CALD1: variants seen among roughly 807,000 people sequenced by gnomAD.
The protein encoded by CALD1 is caldesmon 1.
In CALD1, 33 loss-of-function variants were observed where a neutral mutation model predicts 99.9. The observed-to-expected ratio is 0.33, with a 90% CI of 0.25 to 0.44. The LOEUF (loss-of-function observed/expected upper bound fraction) is 0.44. Among genes scored for constraint, CALD1 ranks in the 20% least tolerant of loss-of-function variants. The probability of loss-of-function intolerance (pLI) is 1.00; values close to 1 mark genes in which losing one functional copy is unlikely to be tolerated. For synonymous variants in CALD1, 310 were observed against 325.0 expected, an observed-to-expected ratio of 0.95 and a Z score of 0.50; for missense variants, 861 against 962.1, an observed-to-expected ratio of 0.89 and a Z score of 1.39.
intron 1 of CALD1, among the ~76,000 whole-genome samples, chr7:134,836,411 A>T (rs1361849345): frequency 6.6e-6 from 1 of 152,204 alleles, no homozygotes; most frequent in East Asian, 1.9e-4. Context: ...GTAACTTAAC[A>T]TCATGCCTTA....
intron 3 of CALD1, among the ~76,000 whole-genome samples, chr7:134,897,309 ATT>A (rs5887713): frequency 6.7e-6 from 1 of 148,594 alleles, no homozygotes; most frequent in Non-Finnish European, 1.5e-5. Flanking sequence ...CTCAGTTTTC[ATT>A]TTTTTTTTCC....
chr7:134,936,483 A>G (rs901367075), intron 6 of CALD1, among the ~76,000 whole-genome samples: 2 of 152,226 alleles, frequency 1.3e-5, no homozygotes, highest in Admixed American at 6.5e-5. Flanking sequence ...ACTATATCGA[A>G]TAAGTTCACA....
upstream of CALD1, among the ~76,000 whole-genome samples, chr7:134,776,112 C>G (rs1403921879): frequency 2.6e-5 from 4 of 152,014 alleles, no homozygotes; most frequent in African/African-American, 9.7e-5. Context: ...CTTTCTAATC[C>G]CAGTGGCTAT....
At chr7:134,941,667 T>C (rs1806451921) in intron 7 of CALD1, among the ~76,000 whole-genome samples, 2 of 152,220 alleles carry the variant, frequency 1.3e-5, no homozygotes, top group African/African-American at 4.8e-5. Context: ...AAATAAATAT[T>C]GCATAAGACT....
rs1035398218 is a variant in CALD1 at position 134,932,992 on chromosome 7, C to A, written c.223C>A (p.Pro75Thr). The change falls in exon 5 of 15, where the codon CCT becomes ACT. Residue 75 changes from proline (P) to threonine (T), a missense_variant. Transcript: ENST00000361675. ...GTTGTTCTTTCTGTTGTACAGTGTG[C>A]CTGACGAGGAGGCCAAGACAACCAC... ...QVEVNAQNSVPDEEAKTTTTN... is the reference protein window; with the variant it reads ...QVEVNAQNSVTDEEAKTTTTN... 7 of 1,600,946 alleles carry A rather than the reference C, an allele frequency of 4.4e-6. No homozygotes were observed. Among genetic ancestry groups the A allele is most frequent in the African/African-American group, 1.3e-5 (1 of 74,186 alleles).
At chr7:134,764,649 C>T (rs2071254808) in intron 1 of CALD1, among the ~76,000 whole-genome samples, 1 of 152,058 alleles carries the variant, frequency 6.6e-6, no homozygotes, top group South Asian at 2.1e-4. Flanking sequence ...GAATTCAAGT[C>T]AGTAAATGAT....
chr7:134,780,494 T>C (rs1797063729), intron 1 of CALD1, among the ~76,000 whole-genome samples: 1 of 152,198 alleles, frequency 6.6e-6, no homozygotes. Flanking sequence ...TCTTTTTTTC[T>C]GTTTGAAAGT....
At chr7:134,881,297 C>G (rs1801589675) in intron 3 of CALD1, among the ~76,000 whole-genome samples, 1 of 152,178 alleles carries the variant, frequency 6.6e-6, no homozygotes, top group Non-Finnish European at 1.5e-5. Flanking sequence ...TTCTCCAACT[C>G]TGGCACTTTT....
intron 1 of CALD1, among the ~76,000 whole-genome samples, chr7:134,797,101 G>A (rs904990617): frequency 6.6e-6 from 1 of 151,380 alleles, no homozygotes; most frequent in Non-Finnish European, 1.5e-5. Flanking sequence ...CACAGCTCAC[G>A]GTAGCCTCAG....
intron 2 of CALD1, among the ~76,000 whole-genome samples, chr7:134,857,295 G>C (rs942548672): frequency 6.7e-6 from 1 of 148,458 alleles, no homozygotes; most frequent in East Asian, 2.0e-4. Flanking sequence ...CAGCCTCTCC[G>C]AGTAGCTGGG....
At chr7:134,807,010 A>T (rs574589289) in intron 1 of CALD1, among the ~76,000 whole-genome samples, 2 of 152,318 alleles carry the variant, frequency 1.3e-5, no homozygotes, top group Admixed American at 6.5e-5. Flanking sequence ...AAATTAAATT[A>T]TCTAGTGGAG....
intron 3 of CALD1, among the ~76,000 whole-genome samples, chr7:134,913,704 A>T (rs1474401520): frequency 6.6e-6 from 1 of 152,238 alleles, no homozygotes; most frequent in Non-Finnish European, 1.5e-5. Context: ...ATGGTCAGAT[A>T]GTATATATTT....
intron 1 of CALD1, among the ~76,000 whole-genome samples, chr7:134,830,357 C>G (rs1167452421): frequency 1.3e-5 from 2 of 152,010 alleles, no homozygotes; most frequent in African/African-American, 2.4e-5. Context: ...TTTGAATTAT[C>G]TCATTTATCA....
chr7:134,947,353 T>A (rs972766252), intron 7 of CALD1, among the ~76,000 whole-genome samples, 155 bp from the exon 8 acceptor site: 7 of 152,114 alleles, frequency 4.6e-5, no homozygotes, highest in African/African-American at 1.7e-4. Context: ...ACTCTGTGAT[T>A]CCGGGCAGAC....
At chr7:134,889,922 T>C (rs1435235548) in intron 3 of CALD1, among the ~76,000 whole-genome samples, 2 of 152,212 alleles carry the variant, frequency 1.3e-5, no homozygotes, top group African/African-American at 4.8e-5. Context: ...TGTTTTTTGT[T>C]TTTTGAGATG....
Position 134,904,776 on chromosome 7 carries a change from G to A in CALD1, c.72-23978G>A, listed in dbSNP as rs113002063. Among the ~76,000 whole-genome samples the A allele has an allele frequency of 2.6e-4, 40 of 152,148 alleles. 1 individual carries two copies. The highest frequency in any genetic ancestry group is 5.8e-4 in the African/African-American group (24 of 41,460). The stretch of plus-strand genomic sequence containing the variant: ...TCGAGCTCTGATCCATCAATTCTCC[G>A]TGAAGTCTGGGTATTAAACCAGCCC... On this transcript the variant is annotated intron_variant, in intron 3 of 14. Transcript: ENST00000361675.
chr7:134,767,224 TGC>T (rs1554423055), intron 1 of CALD1, among the ~76,000 whole-genome samples: 1 of 147,914 alleles, frequency 6.8e-6, no homozygotes, highest in African/African-American at 2.5e-5. Flanking sequence ...TGTGTGTGTG[TGC>T]GTGTGTGACA....
At chr7:134,795,920 C>A (rs900225075) in intron 1 of CALD1, among the ~76,000 whole-genome samples, 1 of 152,200 alleles carries the variant, frequency 6.6e-6, no homozygotes, top group Non-Finnish European at 1.5e-5. Context: ...GAGCCACTGA[C>A]CCACCTGTGT....
intron 6 of CALD1, among the ~76,000 whole-genome samples, chr7:134,940,371 C>T (rs1439840299): frequency 1.3e-5 from 2 of 152,152 alleles, no homozygotes; most frequent in African/African-American, 4.8e-5. Context: ...CCTATGTCTC[C>T]CACCACAACC....
Sources: allele counts gnomAD v4.1 joint callset (sites outside exome capture counted in the v4.1 genomes callset), GRCh38; gene constraint gnomAD v4.1.1; transcripts MANE v1.5; gene names NCBI Gene and HGNC (gene_info 2026-07-23, HGNC 2026-07-21).